The following ZNF474 variants were observed in gnomAD, a reference collection of about 807,000 sequenced individuals.
ZNF474 encodes the protein 4933409D10Rik.
For synonymous variants in ZNF474, 192 were observed against 162.2 expected (o/e 1.18, Z -1.39); for missense variants, 511 against 433.8 (o/e 1.18, Z -1.58).
At chr5:122,136,693 T>C (rs1295444529) in intron 1 of ZNF474, among the ~76,000 whole-genome samples, 1 of 152,246 alleles carries the variant, frequency 6.6e-6, no homozygotes, top group Non-Finnish European at 1.5e-5. Flanking sequence ...CTTGAGATAG[T>C]ATTATAAAAA....
At chr5:122,146,290 G>C (rs1755987202) in intron 1 of ZNF474, among the ~76,000 whole-genome samples, 1 of 151,954 alleles carries the variant, frequency 6.6e-6, no homozygotes, top group African/African-American at 2.4e-5. Flanking sequence ...GTTAATAACT[G>C]GCACAATTTT....
rs1023129201 is a variant in ZNF474 at position 122,134,549 on chromosome 5, C to G, written c.-213+4866C>G. 1.3e-5 allele frequency among the ~76,000 whole-genome samples: 2 copies of G among 152,172 alleles called. 1 individual carries two copies. The highest frequency in any genetic ancestry group is 4.1e-4 in the South Asian group (2 of 4,824). ...TCTGCCATTGTAGGGCAAAAGCAGT[C>G]AACGACAAACATAAATGAATAAACA... On this transcript the variant is annotated intron_variant, in intron 1 of 1. Transcript: ENST00000296600.
chr5:122,130,885 C>A (rs2152602439), intron 1 of ZNF474, among the ~76,000 whole-genome samples: 1 of 152,132 alleles, frequency 6.6e-6, no homozygotes, highest in South Asian at 2.1e-4. Flanking sequence ...TAACACATTT[C>A]AATTATTATT....
At chr5:122,137,153 A>ATG (rs1194910840) in intron 1 of ZNF474, among the ~76,000 whole-genome samples, 8 of 152,046 alleles carry the variant, frequency 5.3e-5, no homozygotes, top group Non-Finnish European at 1.2e-4. Context: ...GTGTATGTGC[A>ATG]TGTGTATGGG....
intron 1 of ZNF474, among the ~76,000 whole-genome samples, chr5:122,142,413 TGA>T (rs920909777): frequency 4.6e-5 from 7 of 152,276 alleles, no homozygotes; most frequent in Admixed American, 3.3e-4. Context: ...ACAAGGCAGT[TGA>T]GAGTTATTGG....
intron 1 of ZNF474, among the ~76,000 whole-genome samples, chr5:122,146,950 A>C (rs1580607120): frequency 6.6e-6 from 1 of 152,312 alleles, no homozygotes; most frequent in Non-Finnish European, 1.5e-5. Context: ...ATTTTCACTA[A>C]CTACAAAGGA....
intron 1 of ZNF474, among the ~76,000 whole-genome samples, chr5:122,142,887 G>A (rs116133405): frequency 2.3e-4 from 35 of 152,218 alleles, no homozygotes; most frequent in Admixed American, 1.5e-3. Context: ...ACGTCATGGC[G>A]AGCATATCAG....
At chr5:122,146,158 T>A (rs1755983945) in intron 1 of ZNF474, among the ~76,000 whole-genome samples, 1 of 152,214 alleles carries the variant, frequency 6.6e-6, no homozygotes, top group Non-Finnish European at 1.5e-5. Context: ...CCTCCCATTA[T>A]TCCTGTTGGC....
intron 1 of ZNF474, among the ~76,000 whole-genome samples, chr5:122,134,823 T>G (rs1755660811): frequency 6.6e-6 from 1 of 152,170 alleles, no homozygotes; most frequent in Admixed American, 6.5e-5. Context: ...ATGAAACTCT[T>G]ATCTCTCTCC....
At position 122,132,279 on chromosome 5, in the gene ZNF474, G is replaced by A. The variant is rs115668103; in HGVS notation, c.-213+2596G>A. Among the ~76,000 whole-genome samples, 767 of 152,066 alleles carry A rather than the reference G, an allele frequency of 5.0e-3. 10 individuals are homozygous for A. Among genetic ancestry groups the A allele is most frequent in the African/African-American group, 0.018 (751 of 41,498 alleles). ...CCAGTTTTTCACTACTATGAGTAAA[G>A]CTACTGTAAACATTTGTAAATGACT... On this transcript the variant is annotated intron_variant, in intron 1 of 1. Transcript: ENST00000296600.
intron 1 of ZNF474, among the ~76,000 whole-genome samples, chr5:122,145,153 A>T (rs750724688): frequency 1.4e-4 from 22 of 152,244 alleles, no homozygotes; most frequent in Non-Finnish European, 2.8e-4. Flanking sequence ...ACCTAAAATT[A>T]TTCATAGTGA....
At chr5:122,129,842 C>T (rs755553989) in intron 1 of ZNF474, 159 bp downstream of exon 1, 19 of 152,162 alleles carry the variant, frequency 1.2e-4, no homozygotes, top group Non-Finnish European at 2.5e-4. Flanking sequence ...TATTTCCTTG[C>T]TATTGGGAAG....
chr5:122,130,522 A>C (rs575731592), intron 1 of ZNF474, among the ~76,000 whole-genome samples: 1 of 152,298 alleles, frequency 6.6e-6, no homozygotes, highest in African/African-American at 2.4e-5. Flanking sequence ...CAGTAGTACA[A>C]TTCTTTTTAA....
chr5:122,151,705 ATGTGTGTGTG>A (rs145270704), intron 1 of ZNF474, 64 bp from the exon 2 acceptor site: 23 of 206,102 alleles, frequency 1.1e-4, no homozygotes, highest in African/African-American at 2.7e-4. Flanking sequence ...AACAACCTAA[ATGTGTGTGTG>A]TGTGTGTGTG....
chr5:122,149,725 A>G (rs1308271589), intron 1 of ZNF474, among the ~76,000 whole-genome samples: 2 of 152,198 alleles, frequency 1.3e-5, no homozygotes, highest in Non-Finnish European at 1.5e-5. Flanking sequence ...TTGAGAATTA[A>G]CTAAAATTAT....
intron 1 of ZNF474, among the ~76,000 whole-genome samples, chr5:122,137,725 G>A (rs577198597): frequency 6.6e-6 from 1 of 152,270 alleles, no homozygotes; most frequent in East Asian, 1.9e-4. Context: ...GGCAGAGACT[G>A]AGGGAGGTAC....
intron 1 of ZNF474, among the ~76,000 whole-genome samples, chr5:122,140,346 G>A (rs938875159): frequency 6.6e-6 from 1 of 152,128 alleles, no homozygotes; most frequent in African/African-American, 2.4e-5. Context: ...CTTGGTTGAG[G>A]TATTATTATA....
chr5:122,145,729 A>C (rs534012923), intron 1 of ZNF474, among the ~76,000 whole-genome samples: 1 of 152,348 alleles, frequency 6.6e-6, no homozygotes, highest in Admixed American at 6.5e-5. Flanking sequence ...TTGAGGATTA[A>C]ATGTTCAGAT....
rs146432705 is a variant in ZNF474, at chr5:122,152,071, C to G, written c.81C>G (p.Ile27Met). Residue 27 changes from isoleucine to methionine, a missense_variant, in exon 2 of 2, where the codon ATC becomes ATG. Ile to Met is a conservative substitution (Grantham distance 10, BLOSUM62 1). Transcript: ENST00000296600. Reference protein sequence around the residue: ...FHHSKEPTFLINQAGLLSSDS... With the variant: ...FHHSKEPTFLMNQAGLLSSDS... ...ATTCTAAAGAACCCACTTTCCTTAT[C>G]AACCAAGCTGGGCTTCTCTCTAGTG... The G allele has an allele frequency of 1.9e-6, 3 of 1,614,076 alleles. No individual in the cohort carries two copies. Among genetic ancestry groups the G allele is most frequent in the Non-Finnish European group, 1.7e-6 (2 of 1,180,024 alleles).
Sources: gnomAD v4.1 joint callset for allele counts (sites outside exome capture counted in the v4.1 genomes callset) on GRCh38, gnomAD v4.1.1 for gene constraint, MANE v1.5 for transcripts, NCBI Gene and HGNC (gene_info 2026-07-23, HGNC 2026-07-21) for gene names.